RBFOX1: variants seen among roughly 807,000 people sequenced by gnomAD.
RBFOX1 encodes the protein RNA binding fox-1 homolog 1.
A neutral mutation model predicts 57.7 loss-of-function variants in RBFOX1; 8 were observed. That is an observed-to-expected ratio of 0.14 (90% CI 0.08 to 0.25). RBFOX1 has a LOEUF of 0.25. RBFOX1 is among the 10% of genes least tolerant of loss of function. The pLI, the probability that RBFOX1 is intolerant of heterozygous loss-of-function variation, is 1.00. For missense variants in RBFOX1, 611 were observed against 548.5 expected (o/e 1.11, Z -1.14); for synonymous variants, 326 against 222.4 (o/e 1.47, Z -4.15).
intron 3 of RBFOX1, among the ~76,000 whole-genome samples, chr16:6,913,132 G>T (rs1482338945): frequency 1.3e-5 from 2 of 151,830 alleles, no homozygotes; most frequent in African/African-American, 4.9e-5. Flanking sequence ...GGAGGCTGAA[G>T]AAGACACGTT....
intron 1 of RBFOX1, among the ~76,000 whole-genome samples, chr16:5,351,538 A>C (rs1023365328): frequency 2.2e-4 from 33 of 152,202 alleles, no homozygotes; most frequent in Non-Finnish European, 4.4e-5. Context: ...GGCATATATG[A>C]ATGGCATAAG....
At position 7,233,561 on chromosome 16, in the gene RBFOX1, A is replaced by G. The variant is rs147721774; in HGVS notation, c.27+181463A>G. Among the ~76,000 whole-genome samples the G allele has an allele frequency of 6.6e-5, 10 of 152,254 alleles. No homozygotes were observed. The South Asian group carries it at 1.2e-3, about 19-fold the overall frequency. On this transcript the variant is annotated intron_variant, in intron 4 of 15. Transcript: ENST00000550418. Reference sequence around the variant, plus strand: ...AAGTCCTGAAAATTTTACAAAGTCTATTTTGCTCTAATGTGTACATTGGTG... The same window carrying G: ...AAGTCCTGAAAATTTTACAAAGTCTGTTTTGCTCTAATGTGTACATTGGTG...
In RBFOX1 at chr16:6,977,947, A is replaced by AAAAAAATAAAT. The variant is rs57981662; in HGVS notation, c.-15-74106_-15-74105insAATAAATAAAA. ...TCCAGCCTCCCCAGGGAAAAAAAAA[A>AAAAAAATAAAT]AAAAGGCAAACCTCCTTTCCCAATG... On this transcript the variant is annotated intron_variant, in intron 3 of 15. Coordinates refer to ENST00000550418, the MANE Select transcript of RBFOX1 (RefSeq NM_018723.4). Among the ~76,000 whole-genome samples the AAAAAAATAAAT allele has an allele frequency of 8.4e-4, 123 of 146,050 alleles. 1 individual carries two copies. The highest frequency in any genetic ancestry group is 7.2e-3 in the Middle Eastern group (2 of 276).
chr16:5,711,084 A>G (rs1361646232), intron 3 of RBFOX1, among the ~76,000 whole-genome samples: 1 of 152,172 alleles, frequency 6.6e-6, no homozygotes, highest in African/African-American at 2.4e-5. Context: ...GAATAATCAA[A>G]TTATTGTAGT....
intron 4 of RBFOX1, among the ~76,000 whole-genome samples, chr16:7,258,886 T>A (rs1426431568): frequency 6.6e-6 from 1 of 152,158 alleles, no homozygotes; most frequent in Admixed American, 6.6e-5. Flanking sequence ...AGGAGAACAT[T>A]AAAAGTTTGC....
At chr16:5,707,010 C>T (rs1457163465) in intron 3 of RBFOX1, among the ~76,000 whole-genome samples, 1 of 152,118 alleles carries the variant, frequency 6.6e-6, no homozygotes, top group Non-Finnish European at 1.5e-5. Flanking sequence ...TGTCTGAATG[C>T]TTGAGGCCAT....
chr16:6,523,497 G>A (rs570227585), intron 2 of RBFOX1, among the ~76,000 whole-genome samples: 73 of 152,212 alleles, frequency 4.8e-4, no homozygotes, highest in African/African-American at 1.7e-3. Flanking sequence ...AGTGGGGTGT[G>A]CCCATACTTG....
At chr16:5,835,171 C>G (rs539749861) in intron 3 of RBFOX1, among the ~76,000 whole-genome samples, 2 of 152,264 alleles carry the variant, frequency 1.3e-5, no homozygotes, top group East Asian at 3.9e-4. Context: ...GGCAACTGGC[C>G]CAGCCTTAAG....
chr16:6,386,429 T>C (rs1334166632), intron 2 of RBFOX1, among the ~76,000 whole-genome samples: 1 of 152,112 alleles, frequency 6.6e-6, no homozygotes, highest in East Asian at 1.9e-4. Context: ...CATGAGGGAG[T>C]CTTTGTCCTC....
At chr16:6,815,968 A>T (rs2089977171) in intron 3 of RBFOX1, among the ~76,000 whole-genome samples, 1 of 152,220 alleles carries the variant, frequency 6.6e-6, no homozygotes, top group Non-Finnish European at 1.5e-5. Flanking sequence ...TATTAATATT[A>T]AGGTTGGCAA....
chr16:6,067,363 T>A (rs1167751892), intron 1 of RBFOX1, among the ~76,000 whole-genome samples: 4 of 64,540 alleles, frequency 6.2e-5, no homozygotes, highest in African/African-American at 2.9e-4. Context: ...CAGAAGTGAA[T>A]AGAGGCAAAA....
intron 2 of RBFOX1, among the ~76,000 whole-genome samples, chr16:5,558,330 C>G (rs1033720058): frequency 6.6e-6 from 1 of 152,150 alleles, no homozygotes; most frequent in Non-Finnish European, 1.5e-5. Flanking sequence ...AGACACCCAA[C>G]CCTAGATGCA....
At chr16:6,299,057 A>G (rs1249339413) in intron 1 of RBFOX1, among the ~76,000 whole-genome samples, 2 of 152,184 alleles carry the variant, frequency 1.3e-5, no homozygotes, top group African/African-American at 4.8e-5. Flanking sequence ...TTCCCAGGTA[A>G]AAGGCATCTG....
At chr16:6,224,882 G>T (rs8060145) in intron 1 of RBFOX1, among the ~76,000 whole-genome samples, 142,426 of 152,028 alleles carry the variant, frequency 0.94, 67,382 homozygotes, top group East Asian at 1. Context: ...AGCTGGGTGT[G>T]GTGGTGGGCA....
chr16:5,658,782 G>GTA (rs377243544), intron 3 of RBFOX1, among the ~76,000 whole-genome samples: 5 of 131,556 alleles, frequency 3.8e-5, no homozygotes, highest in Non-Finnish European at 6.0e-5. Flanking sequence ...ATGTATATAT[G>GTA]TATATATATA....
intron 3 of RBFOX1, among the ~76,000 whole-genome samples, chr16:6,742,511 G>A (rs564877972): frequency 4.6e-5 from 7 of 152,112 alleles, no homozygotes; most frequent in African/African-American, 9.6e-5. Flanking sequence ...TAATGTCCAC[G>A]AAAAACCCCA....
intron 3 of RBFOX1, among the ~76,000 whole-genome samples, chr16:5,642,211 C>G (rs1365544849): frequency 6.6e-6 from 1 of 152,166 alleles, no homozygotes; most frequent in African/African-American, 2.4e-5. Flanking sequence ...CCCAAGCAGG[C>G]AAAGGAAAGC....
chr16:6,109,889 G>C (rs956377304), intron 1 of RBFOX1, among the ~76,000 whole-genome samples: 2 of 152,130 alleles, frequency 1.3e-5, no homozygotes, highest in African/African-American at 4.8e-5. Context: ...CAGAAATCTT[G>C]TTGAACTGAA....
chr16:6,542,141 G>A (rs552404401), intron 2 of RBFOX1, among the ~76,000 whole-genome samples: 1 of 152,050 alleles, frequency 6.6e-6, no homozygotes, highest in South Asian at 2.1e-4. Context: ...GCCCAGCCTC[G>A]TCTCAAACTC....
Sources: allele counts gnomAD v4.1 joint callset (sites outside exome capture counted in the v4.1 genomes callset), GRCh38; gene constraint gnomAD v4.1.1; transcripts MANE v1.5; gene names NCBI Gene and HGNC (gene_info 2026-07-23, HGNC 2026-07-21).